Variants in TCERG1L observed in about 807,000 individuals in gnomAD.
TCERG1L encodes the protein transcription elongation regulator 1-like protein.
Under a neutral mutation model 56.3 loss-of-function variants are expected in TCERG1L, and 37 were observed. The ratio of observed to expected loss-of-function variants is 0.66; its 90% CI spans 0.51 to 0.87. The LOEUF (loss-of-function observed/expected upper bound fraction) is 0.87. Among genes scored for constraint, TCERG1L ranks in the 40% least tolerant of loss-of-function variants. TCERG1L has a pLI of 0.00. For missense variants in TCERG1L, 799 were observed against 774.2 expected, an observed-to-expected ratio of 1.03 and a Z score of -0.38; for synonymous variants, 324 against 326.3, an observed-to-expected ratio of 0.99 and a Z score of 0.08.
intron 3 of TCERG1L, among the ~76,000 whole-genome samples, chr10:131,276,653 A>G (rs894064678): frequency 3.3e-5 from 5 of 152,162 alleles, no homozygotes; most frequent in Admixed American, 6.5e-5. Context: ...TGCTGAGTCT[A>G]TCTTGGTTAT....
At chr10:131,203,661 C>T (rs950691242) in intron 4 of TCERG1L, among the ~76,000 whole-genome samples, 3 of 152,196 alleles carry the variant, frequency 2.0e-5, no homozygotes, top group African/African-American at 7.2e-5. Context: ...CCTGCCATAC[C>T]GAGTTTCAGA....
chr10:131,294,436 G>A (rs1846667029), intron 3 of TCERG1L, among the ~76,000 whole-genome samples: 1 of 152,154 alleles, frequency 6.6e-6, no homozygotes, highest in African/African-American at 2.4e-5. Flanking sequence ...AAAAATCTGA[G>A]CCTTTCCTTC....
chr10:131,210,165 T>C (rs1420997473), intron 4 of TCERG1L, among the ~76,000 whole-genome samples: 2 of 152,270 alleles, frequency 1.3e-5, no homozygotes, highest in Non-Finnish European at 2.9e-5. Context: ...CCCTCTCTTT[T>C]GTTATTACCA....
At chr10:131,244,531 A>G (rs1846009037) in intron 4 of TCERG1L, among the ~76,000 whole-genome samples, 1 of 152,136 alleles carries the variant, frequency 6.6e-6, no homozygotes, top group Non-Finnish European at 1.5e-5. Flanking sequence ...TGATGCCCCC[A>G]TGGTTGAGGT....
intron 4 of TCERG1L, among the ~76,000 whole-genome samples, chr10:131,167,315 C>T (rs1456132662): frequency 1.3e-5 from 2 of 152,220 alleles, no homozygotes; most frequent in African/African-American, 4.8e-5. Flanking sequence ...AACCCTCACA[C>T]TCGCAGCCCA....
chr10:131,131,530 C>T (rs536768016), intron 8 of TCERG1L, among the ~76,000 whole-genome samples: 6 of 152,302 alleles, frequency 3.9e-5, no homozygotes, highest in Admixed American at 3.9e-4. Context: ...GTGACACTCA[C>T]CACGTAGATT....
intron 4 of TCERG1L, among the ~76,000 whole-genome samples, chr10:131,228,182 CT>C (rs1420221283): frequency 6.7e-6 from 1 of 150,024 alleles, no homozygotes; most frequent in Non-Finnish European, 1.5e-5. Flanking sequence ...CAGGCATTTC[CT>C]CAAGGCCTCA....
At chr10:131,251,409 C>CCCTGCTCTCT (rs1279203042) in intron 4 of TCERG1L, among the ~76,000 whole-genome samples, 9 of 152,046 alleles carry the variant, frequency 5.9e-5, no homozygotes, top group South Asian at 4.2e-4. Flanking sequence ...AGCCCCCAGG[C>CCCTGCTCTCT]CCTGCTCTCT....
chr10:131,166,942 C>G, intron 4 of TCERG1L, 57 bp from the exon 5 acceptor site: 1 of 1,513,372 alleles, frequency 6.6e-7, no homozygotes, highest in Non-Finnish European at 9.0e-7. Flanking sequence ...GTTTGGAAAA[C>G]CTAAGCAATC....
At chr10:131,202,248 C>T (rs1431375378) in intron 4 of TCERG1L, among the ~76,000 whole-genome samples, 4 of 152,148 alleles carry the variant, frequency 2.6e-5, no homozygotes, top group Non-Finnish European at 2.9e-5. Flanking sequence ...AGTAGGTATG[C>T]GCATGTCTGC....
At chr10:131,256,798 C>T (rs191952807) in intron 4 of TCERG1L, among the ~76,000 whole-genome samples, 42 of 151,650 alleles carry the variant, frequency 2.8e-4, no homozygotes, top group African/African-American at 9.4e-4. Flanking sequence ...GCAGGAGAAT[C>T]ACTTGAACCC....
intron 7 of TCERG1L, among the ~76,000 whole-genome samples, chr10:131,137,238 G>A (rs1845685983): frequency 6.6e-6 from 1 of 152,142 alleles, no homozygotes; most frequent in South Asian, 2.1e-4. Flanking sequence ...CTAAGGAAGT[G>A]CAGTACTCCT....
intron 6 of TCERG1L, among the ~76,000 whole-genome samples, chr10:131,149,840 G>A (rs926883325): frequency 9.2e-5 from 14 of 152,190 alleles, no homozygotes; most frequent in Non-Finnish European, 1.8e-4. Context: ...CCCTGAGCCC[G>A]CCTCCTCATG....
chr10:131,291,401 C>CTTTTTTTTTTTT lies in TCERG1L; in HGVS notation c.670+16798_670+16809dup, dbSNP rs71009957. ...TGTGTATATTCCATAAACAGCATTT[C>CTTTTTTTTTTTT]TTTTTTTTTTTTTTTTTTTTTTTTT... On this transcript the variant is annotated intron_variant, in intron 3 of 11. Coordinates refer to ENST00000368642, the MANE Select transcript of TCERG1L (RefSeq NM_174937.4). 1.9e-3 allele frequency among the ~76,000 whole-genome samples: 68 copies of CTTTTTTTTTTTT among 36,590 alleles called. 20 individuals carry two copies. The highest frequency in any genetic ancestry group is 2.5e-3 in the African/African-American group (25 of 10,020). 24.0% of individuals were successfully genotyped at this position (36,590 alleles called of 152,430 possible). A position where few individuals can be genotyped will look rare whatever the true frequency, so the allele number is the denominator to read the frequency against.
At chr10:131,150,516 G>A (rs7093489) in intron 6 of TCERG1L, among the ~76,000 whole-genome samples, 30,781 of 152,218 alleles carry the variant, frequency 0.2, 3,490 homozygotes, top group East Asian at 0.35. Flanking sequence ...GGCTTGGGGA[G>A]CTTTCCTAAC....
chr10:131,215,017 T>G (rs1015368112), intron 4 of TCERG1L, among the ~76,000 whole-genome samples: 2 of 152,208 alleles, frequency 1.3e-5, no homozygotes, highest in African/African-American at 4.8e-5. Flanking sequence ...CACTCAGAGC[T>G]AGGCTGGGCG....
chr10:131,146,043 G>A (rs528605563), intron 7 of TCERG1L, among the ~76,000 whole-genome samples: 10 of 152,276 alleles, frequency 6.6e-5, no homozygotes, highest in Admixed American at 2.0e-4. Flanking sequence ...TCCCCTGTCC[G>A]TGACCAGGGT....
At chr10:131,204,425 T>C (rs1230645188) in intron 4 of TCERG1L, among the ~76,000 whole-genome samples, 14 of 131,182 alleles carry the variant, frequency 1.1e-4, no homozygotes, top group Non-Finnish European at 2.1e-4. Context: ...CGCATCTACA[T>C]GGCCTCCATA....
chr10:131,185,083 G>A (rs906015098), intron 4 of TCERG1L, among the ~76,000 whole-genome samples: 4 of 152,028 alleles, frequency 2.6e-5, no homozygotes, highest in Non-Finnish European at 4.4e-5. Flanking sequence ...GTGACAGAGC[G>A]AGACCCTATC....
Sources: gnomAD v4.1 joint callset for allele counts (sites outside exome capture counted in the v4.1 genomes callset) on GRCh38, gnomAD v4.1.1 for gene constraint, MANE v1.5 for transcripts, NCBI Gene and HGNC (gene_info 2026-07-23, HGNC 2026-07-21) for gene names.